Variants in PRLR observed in about 807,000 individuals in gnomAD.
PRLR encodes hPRL receptor.
Under a neutral mutation model 40.2 loss-of-function variants are expected in PRLR, and 13 were observed. That is an observed-to-expected ratio of 0.32 (90% confidence interval 0.21 to 0.51). The LOEUF is 0.51. Ranked by LOEUF, PRLR falls within the 20% of genes least tolerant of loss-of-function variation. PRLR has a pLI of 0.97. For missense variants in PRLR, 656 were observed against 747.3 expected, an observed-to-expected ratio of 0.88 and a Z score of 1.42; for synonymous variants, 269 against 278.7, an observed-to-expected ratio of 0.97 and a Z score of 0.35.
At chr5:35,148,952 C>T (rs1160782389) in intron 1 of PRLR, among the ~76,000 whole-genome samples, 1 of 151,788 alleles carries the variant, frequency 6.6e-6, no homozygotes, top group African/African-American at 2.4e-5. Context: ...TATATATACA[C>T]AAAAATACAC....
At chr5:35,068,637 GA>G in intron 8 of PRLR, 141 bp downstream of exon 8, 3 of 691,618 alleles carry the variant, frequency 4.3e-6, no homozygotes, top group Non-Finnish European at 4.8e-6. Flanking sequence ...ACTGATAAAA[GA>G]TTTTTTTTAT....
At chr5:35,178,373 A>G (rs1775204468) in intron 1 of PRLR, among the ~76,000 whole-genome samples, 1 of 152,300 alleles carries the variant, frequency 6.6e-6, no homozygotes, top group African/African-American at 2.4e-5. Flanking sequence ...TGTAATTTAC[A>G]TGATTCATAG....
chr5:35,114,242 T>C (rs1232316368), intron 2 of PRLR, among the ~76,000 whole-genome samples: 2 of 152,172 alleles, frequency 1.3e-5, no homozygotes, highest in African/African-American at 4.8e-5. Context: ...CTAGAGCTGG[T>C]CCTGTCATTC....
intron 3 of PRLR, 55 bp downstream of exon 3, chr5:35,089,496 C>T: frequency 7.9e-7 from 1 of 1,260,780 alleles, no homozygotes; most frequent in Non-Finnish European, 1.2e-6. Flanking sequence ...GGACTCTCCA[C>T]CCTGTTGACA....
At chr5:35,188,192 G>A (rs1333962728) in intron 1 of PRLR, among the ~76,000 whole-genome samples, 1 of 152,202 alleles carries the variant, frequency 6.6e-6, no homozygotes, top group African/African-American at 2.4e-5. Flanking sequence ...TTCAGCTCTT[G>A]CTAATTTCAG....
downstream of PRLR, among the ~76,000 whole-genome samples, chr5:35,055,203 G>T (rs894408290): frequency 6.6e-6 from 1 of 152,168 alleles, no homozygotes; most frequent in African/African-American, 2.4e-5. Context: ...TGAAACTTTG[G>T]TCCTGAGATT....
chr5:35,113,605 G>A (rs1772832895), intron 2 of PRLR, among the ~76,000 whole-genome samples: 1 of 152,202 alleles, frequency 6.6e-6, no homozygotes, highest in East Asian at 1.9e-4. Context: ...TATCAACTGA[G>A]CATCTGTGAT....
rs185040916 is a variant in PRLR, at chr5:35,050,192, C to G, written c.1010-784G>C. Among the ~76,000 whole-genome samples the G allele has an allele frequency of 3.8e-3, 574 of 152,308 alleles. 1 individual carries two copies. Among genetic ancestry groups the G allele is most frequent in the African/African-American group, 0.013 (552 of 41,556 alleles). ...GGGATTACAGGCATGAGCCACTGCG[C>G]CCGGCCGGACAAAACTATATTCTAA... On this transcript the variant is annotated intron_variant, in intron 8 of 8. Coordinates refer to the PRLR transcript ENST00000231423.
intron 1 of PRLR, among the ~76,000 whole-genome samples, chr5:35,169,936 C>T (rs992997290): frequency 6.6e-6 from 1 of 152,130 alleles, no homozygotes; most frequent in Admixed American, 6.6e-5. Flanking sequence ...TTCCTGTGTG[C>T]TGCTTACTGT....
chr5:35,140,005 A>G (rs1273361870), intron 1 of PRLR, among the ~76,000 whole-genome samples: 1 of 152,246 alleles, frequency 6.6e-6, no homozygotes, highest in Non-Finnish European at 1.5e-5. Context: ...AACATTAAAA[A>G]TGTAATTTTT....
intron 5 of PRLR, among the ~76,000 whole-genome samples, chr5:35,075,064 C>T (rs544661089): frequency 2.0e-5 from 3 of 152,110 alleles, no homozygotes; most frequent in South Asian, 2.1e-4. Flanking sequence ...ATTTGCCATC[C>T]GTGGTCTGGT....
At position 35,058,250 on chromosome 5, in the gene PRLR, G is replaced by C. The variant is rs1768829293; in HGVS notation, c.*6839C>G. The stretch of plus-strand genomic sequence containing the variant: ...GGAAAGAGGAAAAGCAGAGGTAGTG[G>C]TAGCTTTGAAAATGTGGAACCTTAT... On this transcript the variant is annotated 3_prime_UTR_variant, in exon 10 of 10. Coordinates refer to ENST00000618457, the MANE Select transcript of PRLR (RefSeq NM_000949.7). The C allele has an allele frequency of 2.0e-5, 3 of 152,212 alleles. No individual in the cohort carries two copies. In the South Asian group the frequency reaches 6.2e-4, roughly 32 times the overall value. 9.4% of individuals were successfully genotyped at this position (152,212 alleles called of 1,614,324 possible). A position where few individuals can be genotyped will look rare whatever the true frequency, so the allele number is the denominator to read the frequency against.
At chr5:35,110,978 C>A (rs915256904) in intron 2 of PRLR, among the ~76,000 whole-genome samples, 2 of 152,168 alleles carry the variant, frequency 1.3e-5, no homozygotes, top group East Asian at 1.9e-4. Flanking sequence ...GAATCTTGAC[C>A]TATCTTTCTC....
intron 9 of PRLR, among the ~76,000 whole-genome samples, chr5:35,066,325 A>G (rs1299407188): frequency 1.9e-4 from 29 of 152,116 alleles, no homozygotes; most frequent in Admixed American, 1.7e-3. Flanking sequence ...TCTCCAAGCA[A>G]TAATAATCAT....
chr5:35,179,853 T>C (rs1246923902), intron 1 of PRLR, among the ~76,000 whole-genome samples: 1 of 152,174 alleles, frequency 6.6e-6, no homozygotes, highest in African/African-American at 2.4e-5. Flanking sequence ...AATTTTTCCA[T>C]GGACTGGGAC....
At chr5:35,119,271 G>A (rs189346109) in intron 1 of PRLR, among the ~76,000 whole-genome samples, 1 of 152,206 alleles carries the variant, frequency 6.6e-6, no homozygotes, top group African/African-American at 2.4e-5. Flanking sequence ...CCTTGAGGAA[G>A]CCAGTGCTGA....
intron 1 of PRLR, among the ~76,000 whole-genome samples, chr5:35,151,792 A>T (rs1000548100): frequency 6.6e-6 from 1 of 152,204 alleles, no homozygotes; most frequent in Non-Finnish European, 1.5e-5. Flanking sequence ...TCAGTTTCCA[A>T]GCCATTTGAG....
intron 1 of PRLR, among the ~76,000 whole-genome samples, chr5:35,168,808 T>C (rs974633187): frequency 6.6e-6 from 1 of 152,180 alleles, no homozygotes; most frequent in South Asian, 2.1e-4. Context: ...TTTCACATAC[T>C]GCGAGTTGAT....
intron 2 of PRLR, among the ~76,000 whole-genome samples, chr5:35,115,464 G>T (rs1772955418): frequency 6.6e-6 from 1 of 152,016 alleles, no homozygotes; most frequent in Non-Finnish European, 1.5e-5. Flanking sequence ...CAGGTAAGTG[G>T]TGGGGAAAAA....
Sources: gnomAD v4.1 joint callset for allele counts (sites outside exome capture counted in the v4.1 genomes callset) on GRCh38, gnomAD v4.1.1 for gene constraint, MANE v1.5 for transcripts, NCBI Gene and HGNC (gene_info 2026-07-23, HGNC 2026-07-21) for gene names.